CHD9NB: variants seen among roughly 807,000 people sequenced by gnomAD.
CHD9NB encodes the protein CHD9 neighbor.
At chr16:53,038,762 G>A in the CHD9NB span, among the ~76,000 whole-genome samples, 1 of 152,096 alleles carries the variant, frequency 6.6e-6, no homozygotes, top group Non-Finnish European at 1.5e-5. Flanking sequence ...AGGAAATGTG[G>A]GAATTTACAG....
the CHD9NB span, among the ~76,000 whole-genome samples, chr16:53,038,647 A>T: frequency 6.6e-6 from 1 of 152,140 alleles, no homozygotes; most frequent in Non-Finnish European, 1.5e-5. Context: ...CACTGCGCCC[A>T]GTCTTGACAC....
the CHD9NB span, among the ~76,000 whole-genome samples, chr16:53,039,511 C>T: frequency 1.3e-5 from 2 of 152,130 alleles, no homozygotes; most frequent in Non-Finnish European, 2.9e-5. Flanking sequence ...TTTGGAAGGC[C>T]GAGGTGGCAG....
the CHD9NB span, among the ~76,000 whole-genome samples, chr16:53,039,373 A>G: frequency 6.6e-6 from 1 of 152,314 alleles, no homozygotes; most frequent in African/African-American, 2.4e-5. Context: ...TCAGTGGTTA[A>G]GAGTTTCCAG....
the CHD9NB span, among the ~76,000 whole-genome samples, chr16:53,045,466 G>A: frequency 6.6e-6 from 1 of 152,168 alleles, no homozygotes; most frequent in East Asian, 1.9e-4. Context: ...TGGAACTCTT[G>A]TGCTCTATAG....
the CHD9NB span, among the ~76,000 whole-genome samples, chr16:53,052,196 TAAA>T: frequency 1.2e-5 from 1 of 83,644 alleles, no homozygotes; most frequent in Non-Finnish European, 2.7e-5. Flanking sequence ...CTGAGCAACA[TAAA>T]AAAAAAAAAA....
At chr16:53,043,262 G>C in the CHD9NB span, 3 of 152,224 alleles carry the variant, frequency 2.0e-5, no homozygotes, top group Non-Finnish European at 4.4e-5. Context: ...GGTTGAAATG[G>C]ACAGACTTTG....
the CHD9NB span, among the ~76,000 whole-genome samples, chr16:53,045,665 C>T: frequency 2.0e-5 from 3 of 152,182 alleles, no homozygotes; most frequent in Non-Finnish European, 4.4e-5. Flanking sequence ...GACATTGACT[C>T]GGATTCACTT....
At chr16:53,037,534 G>A in the CHD9NB span, among the ~76,000 whole-genome samples, 183 of 152,298 alleles carry the variant, frequency 1.2e-3, 2 homozygotes, top group African/African-American at 4.1e-3. Flanking sequence ...AGTGTGGAAG[G>A]TCCTAGTGGG....
the CHD9NB span, chr16:53,042,710 T>C: frequency 6.6e-6 from 1 of 152,154 alleles, no homozygotes; most frequent in Non-Finnish European, 1.5e-5. Context: ...TCTCAGTGAA[T>C]AAAGAAAAAT....
the CHD9NB span, among the ~76,000 whole-genome samples, chr16:53,045,621 T>G: frequency 1.3e-5 from 2 of 152,210 alleles, no homozygotes; most frequent in East Asian, 3.9e-4. Context: ...ACATTTACAA[T>G]GATTCTTTGT....
the CHD9NB span, chr16:53,044,039 A>T: frequency 7.5e-6 from 3 of 398,784 alleles, no homozygotes; most frequent in Non-Finnish European, 1.3e-5. Context: ...TCAGCGGGGC[A>T]TCCTTGCAGT....
the CHD9NB span, among the ~76,000 whole-genome samples, chr16:53,042,330 T>C: frequency 7.3e-6 from 1 of 137,768 alleles, no homozygotes; most frequent in Non-Finnish European, 1.5e-5. Flanking sequence ...CTTCTCTCCC[T>C]CTCCCATTCT....
At chr16:53,040,233 G>A in the CHD9NB span, among the ~76,000 whole-genome samples, 2 of 151,796 alleles carry the variant, frequency 1.3e-5, no homozygotes, top group Non-Finnish European at 2.9e-5. Flanking sequence ...CCACACCCAG[G>A]TAATTTTTTT....
At chr16:53,046,758 T>A in the CHD9NB span, among the ~76,000 whole-genome samples, 1 of 152,140 alleles carries the variant, frequency 6.6e-6, no homozygotes, top group East Asian at 1.9e-4. Context: ...CCTGGATGAG[T>A]TGTATAATCT....
At chr16:53,046,159 T>C in the CHD9NB span, among the ~76,000 whole-genome samples, 1 of 152,142 alleles carries the variant, frequency 6.6e-6, no homozygotes, top group African/African-American at 2.4e-5. Flanking sequence ...CCAATTAAGA[T>C]GCCCTGTTTG....
the CHD9NB span, among the ~76,000 whole-genome samples, chr16:53,040,644 A>G: frequency 6.6e-6 from 1 of 152,232 alleles, no homozygotes; most frequent in East Asian, 1.9e-4. Flanking sequence ...CATTTTATGA[A>G]CACTAAGGAG....
chr16:53,041,646 G>C, the CHD9NB span, among the ~76,000 whole-genome samples: 4 of 152,158 alleles, frequency 2.6e-5, no homozygotes, highest in South Asian at 2.1e-4. Context: ...CCACCTCAAA[G>C]CCTCACCACC....
At chr16:53,046,671 C>G in the CHD9NB span, among the ~76,000 whole-genome samples, 1 of 152,062 alleles carries the variant, frequency 6.6e-6, no homozygotes, top group African/African-American at 2.4e-5. Context: ...GTAAACAGAG[C>G]TAGACCCTGC....
chr16:53,037,182 C>T, the CHD9NB span, among the ~76,000 whole-genome samples: 1 of 152,192 alleles, frequency 6.6e-6, no homozygotes. Flanking sequence ...GATCCACCCA[C>T]CTCGGCCTCC....
Sources: gnomAD v4.1 joint callset for allele counts (sites outside exome capture counted in the v4.1 genomes callset) on GRCh38, gnomAD v4.1.1 for gene constraint, MANE v1.5 for transcripts, NCBI Gene and HGNC (gene_info 2026-07-23, HGNC 2026-07-21) for gene names.